Variants in PTPRT observed in about 807,000 individuals in gnomAD.
PTPRT encodes protein tyrosine phosphatase receptor type T.
In PTPRT, 56 loss-of-function variants were observed where a neutral mutation model predicts 176.8. The observed-to-expected ratio is 0.32, with a 90% CI of 0.26 to 0.40. PTPRT has a LOEUF of 0.40. PTPRT is among the 10% of genes least tolerant of loss of function. The probability of loss-of-function intolerance (pLI) is 1.00; values close to 1 mark genes in which losing one functional copy is unlikely to be tolerated. For synonymous variants in PTPRT, 783 were observed against 739.0 expected (o/e 1.06, Z -0.96); for missense variants, 1,540 against 1,908.2 (o/e 0.81, Z 3.60).
chr20:42,703,423 G>A (rs1242580563), intron 6 of PTPRT, among the ~76,000 whole-genome samples: 1 of 152,300 alleles, frequency 6.6e-6, no homozygotes, highest in African/African-American at 2.4e-5. Context: ...AAGGAAATAA[G>A]AGAAAAGTAA....
rs762348620 is a variant in PTPRT, at chr20:42,183,613, C to T, written c.2491+15627G>A. ...TGACTATATTAGCCAAGTAGACTTT[C>T]CCACCTCTATGCCCCTGTATATGTA... On this transcript the variant is annotated intron_variant, in intron 16 of 30. Transcript: ENST00000373187. Among the ~76,000 whole-genome samples the T allele has an allele frequency of 2.1e-4, 32 of 152,126 alleles. 1 individual carries two copies. Among genetic ancestry groups the T allele is most frequent in the Non-Finnish European group, 4.4e-5 (3 of 68,014 alleles).
rs1209639228 is a variant in PTPRT, at chr20:42,791,175, A to T, written c.486+20T>A. On this transcript the variant is annotated intron_variant, in intron 3 of 30. Coordinates refer to ENST00000373187, the MANE Select transcript of PTPRT (RefSeq NM_007050.6). Reference sequence around the variant, plus strand: ...TTTATTACAAATTTTCAAAAATAAAACCATGGTAAAATGCCATACCTGATA... The same window carrying T: ...TTTATTACAAATTTTCAAAAATAAATCCATGGTAAAATGCCATACCTGATA... 6 of 1,546,292 alleles carry T rather than the reference A, an allele frequency of 3.9e-6. No homozygotes were observed. Among genetic ancestry groups the T allele is most frequent in the Non-Finnish European group, 4.4e-6 (5 of 1,148,498 alleles).
intron 9 of PTPRT, among the ~76,000 whole-genome samples, chr20:42,354,219 C>A (rs2058327835): frequency 6.6e-6 from 1 of 152,204 alleles, no homozygotes; most frequent in Admixed American, 6.5e-5. Flanking sequence ...TGCCTACCCC[C>A]ATCAGGGATC....
intron 7 of PTPRT, among the ~76,000 whole-genome samples, chr20:42,656,344 G>A (rs967041491): frequency 6.6e-6 from 1 of 152,170 alleles, no homozygotes; most frequent in Non-Finnish European, 1.5e-5. Context: ...TATTTGACAT[G>A]TGTTAACGCC....
At chr20:42,207,621 T>A (rs2146716941) in intron 15 of PTPRT, among the ~76,000 whole-genome samples, 1 of 32,910 alleles carries the variant, frequency 3.0e-5, no homozygotes, top group East Asian at 6.4e-4. Context: ...GAGCAAAGCC[T>A]CCAAGAAATA....
intron 2 of PTPRT, among the ~76,000 whole-genome samples, chr20:42,807,711 C>T (rs1446653607): frequency 6.6e-6 from 1 of 152,130 alleles, no homozygotes; most frequent in Non-Finnish European, 1.5e-5. Flanking sequence ...GAAGAAATTC[C>T]TGCTTAATCG....
the PTPRT span, among the ~76,000 whole-genome samples, chr20:42,066,037 C>CTTTTTTTTTTTTTTTTTTTTTTTTTTTT: frequency 8.1e-6 from 1 of 124,214 alleles, no homozygotes; most frequent in Non-Finnish European, 1.6e-5. Flanking sequence ...TAGTATATTA[C>CTTTTTTTTTTTTTTTTTTTTTTTTTTTT]TTTTTTTTTT....
rs192978310 is a variant in PTPRT at position 42,342,715 on chromosome 20, C to T, written c.1865+7913G>A. On this transcript the variant is annotated intron_variant, in intron 11 of 30. Transcript: ENST00000373187. Reference sequence around the variant, plus strand: ...GTAATGATTCCAATTTTGCTCACTGCGGCTTCATGGACCAGCAAAACCCCT... The same window carrying T: ...GTAATGATTCCAATTTTGCTCACTGTGGCTTCATGGACCAGCAAAACCCCT... 2.6e-5 allele frequency among the ~76,000 whole-genome samples: 4 copies of T among 152,308 alleles called. No homozygotes were observed. The East Asian group carries it at 7.7e-4, about 29-fold the overall frequency.
chr20:42,373,176 C>T (rs2058609200), intron 9 of PTPRT, among the ~76,000 whole-genome samples: 1 of 152,160 alleles, frequency 6.6e-6, no homozygotes, highest in Non-Finnish European at 1.5e-5. Context: ...TGAAGTACCA[C>T]CCTTCCAACT....
chr20:42,136,687 G>A (rs1988396054), intron 18 of PTPRT, among the ~76,000 whole-genome samples: 1 of 152,172 alleles, frequency 6.6e-6, no homozygotes, highest in African/African-American at 2.4e-5. Context: ...CCCCACTGAG[G>A]GGCCTTTCTG....
intron 1 of PTPRT, among the ~76,000 whole-genome samples, chr20:43,184,477 G>A (rs74916461): frequency 0.043 from 6,521 of 152,142 alleles, 192 homozygotes; most frequent in Non-Finnish European, 0.067. Context: ...TCACAAGATC[G>A]AGGGATTGAG....
chr20:42,250,398 C>A (rs2056530842), intron 13 of PTPRT, among the ~76,000 whole-genome samples: 1 of 152,208 alleles, frequency 6.6e-6, no homozygotes, highest in African/African-American at 2.4e-5. Flanking sequence ...TAGAACTCAG[C>A]AGAGTCTTGA....
intron 7 of PTPRT, among the ~76,000 whole-genome samples, chr20:42,488,950 CA>C (rs34356678): frequency 0.56 from 66,340 of 118,626 alleles, 17,758 homozygotes; most frequent in African/African-American, 0.76. Context: ...AACTCTGTCT[CA>C]AAAAAAAAAA....
intron 7 of PTPRT, among the ~76,000 whole-genome samples, chr20:42,667,547 A>C (rs188468099): frequency 6.6e-6 from 1 of 152,228 alleles, no homozygotes; most frequent in Non-Finnish European, 1.5e-5. Context: ...TTAAAAATCC[A>C]GAGAGCTTGA....
intron 12 of PTPRT, among the ~76,000 whole-genome samples, chr20:42,284,842 T>TA (rs199843063): frequency 6.6e-6 from 1 of 151,494 alleles, no homozygotes; most frequent in Non-Finnish European, 1.5e-5. Context: ...TTGGAAATGT[T>TA]AAAAAAATGA....
chr20:43,021,628 A>G (rs1985685125), intron 1 of PTPRT, among the ~76,000 whole-genome samples: 1 of 152,136 alleles, frequency 6.6e-6, no homozygotes, highest in South Asian at 2.1e-4. Context: ...AATCTTGGCC[A>G]GAGTCCTTTC....
At chr20:42,296,995 A>T (rs2145290879) in intron 12 of PTPRT, among the ~76,000 whole-genome samples, 1 of 152,302 alleles carries the variant, frequency 6.6e-6, no homozygotes, top group African/African-American at 2.4e-5. Flanking sequence ...AATTTAAAAA[A>T]TTTCAAAAAA....
At chr20:43,164,273 C>A (rs1038254760) in intron 1 of PTPRT, among the ~76,000 whole-genome samples, 4 of 152,192 alleles carry the variant, frequency 2.6e-5, no homozygotes, top group African/African-American at 2.4e-5. Flanking sequence ...CTCCTTCATG[C>A]AGTCTTTCAA....
At chr20:42,675,445 CA>C (rs754277662) in intron 7 of PTPRT, among the ~76,000 whole-genome samples, 1 of 152,052 alleles carries the variant, frequency 6.6e-6, no homozygotes, top group Non-Finnish European at 1.5e-5. Context: ...GTGCATGAAC[CA>C]AGTTTTTGTA....
Sources: gnomAD v4.1 joint callset for allele counts (sites outside exome capture counted in the v4.1 genomes callset) on GRCh38, gnomAD v4.1.1 for gene constraint, MANE v1.5 for transcripts, NCBI Gene and HGNC (gene_info 2026-07-23, HGNC 2026-07-21) for gene names.